The following AKAP6 variants were observed in gnomAD, a reference collection of about 807,000 sequenced individuals.
AKAP6 encodes the protein A-kinase anchor protein 6.
AKAP6 carries 58 observed loss-of-function variants against 188.5 expected under a neutral mutation model. The observed-to-expected ratio is 0.31, with a 90% CI of 0.25 to 0.38. AKAP6 has a LOEUF of 0.38. Among genes scored for constraint, AKAP6 ranks in the 10% least tolerant of loss-of-function variants. The pLI is 1.00. For synonymous variants in AKAP6, 989 were observed against 998.6 expected, an observed-to-expected ratio of 0.99 and a Z score of 0.18; for missense variants, 2,710 against 2,740.0, an observed-to-expected ratio of 0.99 and a Z score of 0.24.
At chr14:32,526,181 C>T (rs1032720746) in intron 2 of AKAP6, among the ~76,000 whole-genome samples, 1 of 151,982 alleles carries the variant, frequency 6.6e-6, no homozygotes, top group Non-Finnish European at 1.5e-5. Context: ...CCTCCCTCCT[C>T]ATCTTCCCAA....
At chr14:32,692,566 G>A (rs1372707279) in intron 8 of AKAP6, among the ~76,000 whole-genome samples, 1 of 152,108 alleles carries the variant, frequency 6.6e-6, no homozygotes, top group Admixed American at 6.5e-5. Context: ...GCCTGTTCAT[G>A]TTGCACTGGT....
At chr14:32,404,187 T>C (rs1054620701) in intron 1 of AKAP6, among the ~76,000 whole-genome samples, 1 of 152,140 alleles carries the variant, frequency 6.6e-6, no homozygotes, top group Admixed American at 6.5e-5. Flanking sequence ...TGTAGTTAAC[T>C]TGGAAAAGGA....
chr14:32,463,701 A>G (rs1878219702), intron 2 of AKAP6, among the ~76,000 whole-genome samples: 1 of 151,940 alleles, frequency 6.6e-6, no homozygotes, highest in Non-Finnish European at 1.5e-5. Context: ...TAGAGAAGCA[A>G]GAACAAATTC....
chr14:32,460,813 C>G (rs1481630163), intron 2 of AKAP6, among the ~76,000 whole-genome samples: 1 of 152,236 alleles, frequency 6.6e-6, no homozygotes, highest in Non-Finnish European at 1.5e-5. Flanking sequence ...AAGCTAAGAA[C>G]CACTGGCTTG....
At chr14:32,436,239 A>T (rs1890373624) in intron 2 of AKAP6, among the ~76,000 whole-genome samples, 1 of 152,250 alleles carries the variant, frequency 6.6e-6, no homozygotes, top group Admixed American at 6.5e-5. Flanking sequence ...GGCTTTGAAG[A>T]TCATCTAGGC....
chr14:32,750,812 G>A (rs1442545912), intron 11 of AKAP6, among the ~76,000 whole-genome samples: 2 of 145,486 alleles, frequency 1.4e-5, no homozygotes, highest in Admixed American at 7.2e-5. Context: ...GTGTGATCTC[G>A]GCTCACTGCA....
intron 1 of AKAP6, among the ~76,000 whole-genome samples, chr14:32,411,973 A>G: frequency 1.0e-3 from 1 of 978 alleles, no homozygotes; most frequent in Middle Eastern, 0.25. Context: ...AATGGCTTTA[A>G]AAAAAACACA....
intron 2 of AKAP6, among the ~76,000 whole-genome samples, chr14:32,522,649 C>CT (rs1349828319): frequency 1.3e-5 from 2 of 152,206 alleles, no homozygotes; most frequent in African/African-American, 4.8e-5. Flanking sequence ...GATACCATCT[C>CT]ACACCAGTTA....
intron 7 of AKAP6, among the ~76,000 whole-genome samples, chr14:32,602,858 G>A (rs982622788): frequency 1.3e-5 from 2 of 152,214 alleles, no homozygotes; most frequent in Non-Finnish European, 2.9e-5. Context: ...CGCAGAGCCC[G>A]TGTTCATCAC....
chr14:32,589,139 C>T (rs983052958), intron 5 of AKAP6, among the ~76,000 whole-genome samples: 1 of 152,170 alleles, frequency 6.6e-6, no homozygotes, highest in Non-Finnish European at 1.5e-5. Context: ...GGCTGTGCTG[C>T]TCAGCTAATG....
At chr14:32,348,572 G>T (rs186245784) in intron 1 of AKAP6, among the ~76,000 whole-genome samples, 1 of 151,796 alleles carries the variant, frequency 6.6e-6, no homozygotes, top group Non-Finnish European at 1.5e-5. Flanking sequence ...GCTCCACCAC[G>T]CATGCTAATT....
At chr14:32,647,541 T>G (rs1290319325) in intron 7 of AKAP6, among the ~76,000 whole-genome samples, 1 of 152,144 alleles carries the variant, frequency 6.6e-6, no homozygotes, top group Non-Finnish European at 1.5e-5. Flanking sequence ...GGAATTTAAG[T>G]GGCATCTTCA....
chr14:32,817,483 GTC>G (rs2034414080), intron 12 of AKAP6, among the ~76,000 whole-genome samples: 3 of 119,908 alleles, frequency 2.5e-5, no homozygotes, highest in South Asian at 5.6e-4. Context: ...GTGTGTGTGT[GTC>G]TGTGTTTGTG....
intron 7 of AKAP6, among the ~76,000 whole-genome samples, chr14:32,604,159 T>C (rs568409029): frequency 3.9e-5 from 6 of 152,356 alleles, no homozygotes; most frequent in African/African-American, 7.2e-5. Context: ...ATAACATTCG[T>C]GCTTTCCTTT....
intron 3 of AKAP6, among the ~76,000 whole-genome samples, chr14:32,538,705 T>C (rs1378346973): frequency 1.3e-5 from 2 of 152,184 alleles, no homozygotes; most frequent in African/African-American, 2.4e-5. Flanking sequence ...ATAAGCACTT[T>C]AAATTTGTTT....
intron 9 of AKAP6, among the ~76,000 whole-genome samples, chr14:32,731,004 G>A (rs761618020): frequency 2.8e-4 from 43 of 152,180 alleles, no homozygotes; most frequent in South Asian, 6.2e-4. Flanking sequence ...TTCTAAAAGC[G>A]CTCTAAAGCA....
chr14:32,496,378 A>G (rs1285026306), intron 2 of AKAP6, among the ~76,000 whole-genome samples: 1 of 152,148 alleles, frequency 6.6e-6, no homozygotes, highest in African/African-American at 2.4e-5. Flanking sequence ...TATGATCTTG[A>G]AGTATACACA....
intron 1 of AKAP6, among the ~76,000 whole-genome samples, chr14:32,380,648 T>A (rs1160550549): frequency 6.6e-6 from 1 of 152,160 alleles, no homozygotes; most frequent in Non-Finnish European, 1.5e-5. Context: ...CTGCCTCTCA[T>A]AAGGGAAAGC....
intron 5 of AKAP6, among the ~76,000 whole-genome samples, chr14:32,597,951 C>T (rs1566596584): frequency 6.6e-6 from 1 of 152,002 alleles, no homozygotes; most frequent in Non-Finnish European, 1.5e-5. Flanking sequence ...AGACTCACCA[C>T]TGACCACCCA....
Sources: allele counts gnomAD v4.1 joint callset (sites outside exome capture counted in the v4.1 genomes callset), GRCh38; gene constraint gnomAD v4.1.1; transcripts MANE v1.5; gene names NCBI Gene and HGNC (gene_info 2026-07-23, HGNC 2026-07-21).